Variants in SH3D19 observed in about 807,000 individuals in gnomAD.
SH3D19 encodes SH3 domain-containing protein 19.
SH3D19 carries 58 observed loss-of-function variants against 112.1 expected under a neutral mutation model. The observed-to-expected ratio is 0.52, with a 90% CI of 0.42 to 0.64. The LOEUF is 0.64. Among genes scored for constraint, SH3D19 ranks in the 30% least tolerant of loss-of-function variants. SH3D19 has a pLI of 0.00. For missense variants in SH3D19, 1,090 were observed against 1,263.4 expected (o/e 0.86, Z 2.08); for synonymous variants, 391 against 448.5 (o/e 0.87, Z 1.62).
intron 18 of SH3D19, 67 bp downstream of exon 18, chr4:151,128,103 T>C (rs1487304753): frequency 4.6e-6 from 6 of 1,305,774 alleles, no homozygotes; most frequent in Non-Finnish European, 5.2e-6. Flanking sequence ...GGGAAAGGAA[T>C]GTATATAGTT....
intron 1 of SH3D19, chr4:151,261,391 C>T (rs1772366991): frequency 6.6e-6 from 1 of 152,332 alleles, no homozygotes; most frequent in African/African-American, 2.4e-5. Context: ...CAAGCAAACA[C>T]ATCTAGTGCC....
chr4:151,275,338 C>T lies in SH3D19; in HGVS notation c.113-49252G>A, dbSNP rs936319689. Among the ~76,000 whole-genome samples, 35 of 152,290 alleles carry T rather than the reference C, an allele frequency of 2.3e-4. 1 individual carries two copies. The highest frequency in any genetic ancestry group is 2.0e-3 in the Admixed American group (30 of 15,298). On this transcript the variant is annotated intron_variant, in intron 1 of 19. Coordinates refer to ENST00000604030, the MANE Select transcript of SH3D19 (RefSeq NM_001378122.1). ...TCCTGACCTCGTGACCCACCCGCCT[C>T]GGCCTCCCAGAGTGCTGGGATTACA... is the stretch of plus-strand genomic sequence containing the variant.
At chr4:151,237,489 C>G (rs541577715) in intron 1 of SH3D19, among the ~76,000 whole-genome samples, 1 of 152,066 alleles carries the variant, frequency 6.6e-6, no homozygotes, top group East Asian at 1.9e-4. Context: ...GTATGACAAT[C>G]TAGGTAGATG....
chr4:151,260,594 A>G (rs1050723935), intron 1 of SH3D19, among the ~76,000 whole-genome samples: 8 of 152,208 alleles, frequency 5.3e-5, no homozygotes, highest in Non-Finnish European at 1.2e-4. Context: ...ATACACACCA[A>G]AAAATGACTT....
intron 2 of SH3D19, among the ~76,000 whole-genome samples, chr4:151,206,038 G>C (rs1482857929): frequency 6.6e-6 from 1 of 152,102 alleles, no homozygotes; most frequent in Non-Finnish European, 1.5e-5. Flanking sequence ...AACACATTAG[G>C]TGAGAATTGT....
At chr4:151,283,935 C>T (rs539967054) in intron 1 of SH3D19, among the ~76,000 whole-genome samples, 3 of 152,226 alleles carry the variant, frequency 2.0e-5, no homozygotes, top group Admixed American at 1.3e-4. Context: ...AAAAATCAGC[C>T]ATTATTTGCA....
chr4:151,312,859 C>T (rs1561453123), intron 1 of SH3D19, among the ~76,000 whole-genome samples: 1 of 151,034 alleles, frequency 6.6e-6, no homozygotes, highest in African/African-American at 2.4e-5. Flanking sequence ...CAAGATTGCA[C>T]CACTGCACTC....
intron 2 of SH3D19, among the ~76,000 whole-genome samples, chr4:151,217,089 A>G (rs1181518536): frequency 6.6e-6 from 1 of 152,226 alleles, no homozygotes; most frequent in Admixed American, 6.5e-5. Flanking sequence ...CTTAGAAAAC[A>G]TAATGCCAGA....
In SH3D19 at chr4:151,122,169, A is replaced by G; in HGVS notation, c.3066T>C (p.Asp1022=). 6.2e-7 allele frequency: 1 copy of G among 1,610,552 alleles called. No homozygotes were observed. Among genetic ancestry groups the G allele is most frequent in the African/African-American group, 1.3e-5 (1 of 75,004 alleles). Residue 1022 remains aspartate, a synonymous_variant, in exon 20 of 20, where the codon GAT becomes GAC. Coordinates refer to ENST00000604030, the MANE Select transcript of SH3D19 (RefSeq NM_001378122.1). The part of the protein sequence containing the change: ...DIITELESVD[D]DWMSGELMGK... ...CCATAAGTTCTCCACTCATCCAGTC[A>G]TCATCTACAGATTCCAGCTCTGTTA...
intron 1 of SH3D19, among the ~76,000 whole-genome samples, chr4:151,257,368 G>A (rs934638284): frequency 6.6e-6 from 1 of 152,138 alleles, no homozygotes; most frequent in African/African-American, 2.4e-5. Flanking sequence ...GATTACAGGA[G>A]TGAGTCACCA....
chr4:151,311,349 T>G (rs896360199), intron 1 of SH3D19, among the ~76,000 whole-genome samples: 1 of 151,770 alleles, frequency 6.6e-6, no homozygotes, highest in Admixed American at 6.6e-5. Flanking sequence ...TGAGCCATGA[T>G]CATGCCACTG....
rs538695905 is a variant in SH3D19 at position 151,150,896 on chromosome 4, G to A, written c.1756-1335C>T. On this transcript the variant is annotated intron_variant, in intron 9 of 19. Coordinates refer to ENST00000604030, the MANE Select transcript of SH3D19 (RefSeq NM_001378122.1). Reference sequence around the variant, plus strand: ...TTTCAGATCTTCTGTTGAGTGGGAAGCCAAAGGATCTCAAAGCCAAAATTT... The same window carrying A: ...TTTCAGATCTTCTGTTGAGTGGGAAACCAAAGGATCTCAAAGCCAAAATTT... Among the ~76,000 whole-genome samples, 7 of 151,506 alleles carry A rather than the reference G, an allele frequency of 4.6e-5. No individual in the cohort carries two copies. The South Asian group carries it at 1.5e-3, about 32-fold the overall frequency.
At chr4:151,230,481 A>C (rs1267418260) in intron 1 of SH3D19, among the ~76,000 whole-genome samples, 1 of 152,178 alleles carries the variant, frequency 6.6e-6, no homozygotes, top group Non-Finnish European at 1.5e-5. Context: ...TTACTGACTC[A>C]AGTTGGAAAT....
rs191202111 is a variant in SH3D19, at chr4:151,127,664, G to C, written c.2981C>G (p.Ala994Gly). The C allele has an allele frequency of 1.1e-5, 18 of 1,605,978 alleles. No individual in the cohort carries two copies. The highest frequency in any genetic ancestry group is 1.4e-5 in the Non-Finnish European group (17 of 1,177,268). The change falls in exon 19 of 20, where the codon GCC becomes GGC. Residue 994 changes from alanine to glycine, a missense_variant. Physicochemically the swap from Ala to Gly is moderately conservative, Grantham distance 60 (BLOSUM62 0). Transcript: ENST00000604030. ...ATTCTCCCCTCGGAAATCATATAAG[G>C]CTTTGGCCTTCCTCCCCTTCGGTAC... ...AIVPKGRKAK[A>G]LYDFRGENED...
intron 7 of SH3D19, among the ~76,000 whole-genome samples, chr4:151,172,230 C>T (rs1048981239): frequency 6.6e-6 from 1 of 152,130 alleles, no homozygotes; most frequent in Admixed American, 6.5e-5. Context: ...AAAATACCAC[C>T]AAAAAGTCAC....
intron 2 of SH3D19, among the ~76,000 whole-genome samples, chr4:151,198,246 A>AG (rs1391292479): frequency 6.7e-6 from 1 of 149,914 alleles, no homozygotes; most frequent in East Asian, 1.9e-4. Context: ...TGGAGGTTGC[A>AG]GTGAGCTGAG....
At chr4:151,210,393 T>C (rs573812598) in intron 2 of SH3D19, among the ~76,000 whole-genome samples, 15 of 150,600 alleles carry the variant, frequency 1.0e-4, no homozygotes, top group Admixed American at 3.3e-4. Context: ...CTTATATATA[T>C]CATCCCAATT....
At chr4:151,231,833 C>G (rs991326963) in intron 1 of SH3D19, among the ~76,000 whole-genome samples, 2 of 152,164 alleles carry the variant, frequency 1.3e-5, no homozygotes, top group East Asian at 1.9e-4. Flanking sequence ...AAATGCAGTA[C>G]TCTAATTACC....
chr4:151,307,130 T>C (rs1406146695), intron 1 of SH3D19, among the ~76,000 whole-genome samples: 2 of 150,322 alleles, frequency 1.3e-5, no homozygotes, highest in Non-Finnish European at 3.0e-5. Context: ...GCCATTCTCC[T>C]GCCTCAGCCT....
Sources: allele counts gnomAD v4.1 joint callset (sites outside exome capture counted in the v4.1 genomes callset), GRCh38; gene constraint gnomAD v4.1.1; transcripts MANE v1.5; gene names NCBI Gene and HGNC (gene_info 2026-07-23, HGNC 2026-07-21).